Variants in DSCAM observed in about 807,000 individuals in gnomAD.
DSCAM encodes cell adhesion molecule DSCAM.
In DSCAM, 47 loss-of-function variants were observed where a neutral mutation model predicts 217.7. That is an observed-to-expected ratio of 0.22 (90% CI 0.17 to 0.28). The LOEUF is 0.28. Ranked by LOEUF, DSCAM falls within the 10% of genes least tolerant of loss-of-function variation. The pLI is 1.00. For synonymous variants in DSCAM, 1,056 were observed against 1,015.3 expected, an observed-to-expected ratio of 1.04 and a Z score of -0.76; for missense variants, 2,080 against 2,618.3, an observed-to-expected ratio of 0.79 and a Z score of 4.49.
At chr21:40,744,972 T>C (rs971095292) in intron 1 of DSCAM, among the ~76,000 whole-genome samples, 2 of 152,078 alleles carry the variant, frequency 1.3e-5, no homozygotes, top group Non-Finnish European at 2.9e-5. Flanking sequence ...TTTTTAAAAA[T>C]CCAAATAGAA....
At chr21:40,496,681 A>C (rs1215308523) in intron 3 of DSCAM, among the ~76,000 whole-genome samples, 2 of 152,204 alleles carry the variant, frequency 1.3e-5, no homozygotes, top group Admixed American at 1.3e-4. Flanking sequence ...TCTGCACAGC[A>C]ATGAAGACAA....
chr21:40,489,774 CAA>C (rs35247505), intron 3 of DSCAM, among the ~76,000 whole-genome samples: 3 of 47,188 alleles, frequency 6.4e-5, no homozygotes, highest in Admixed American at 4.3e-4. Context: ...GACTCCGTCT[CAA>C]AAAAAAAAAA....
At chr21:40,297,338 G>A (rs1241592681) in intron 9 of DSCAM, among the ~76,000 whole-genome samples, 10 of 152,162 alleles carry the variant, frequency 6.6e-5, no homozygotes, top group Non-Finnish European at 1.0e-4. Flanking sequence ...GCATCTGAAA[G>A]TATTCTAATC....
intron 3 of DSCAM, among the ~76,000 whole-genome samples, chr21:40,566,575 T>C (rs539478108): frequency 6.6e-6 from 1 of 152,328 alleles, no homozygotes. Context: ...TTAGCAAACT[T>C]ATCTTTAACT....
At chr21:40,027,348 A>G (rs1433455352) in intron 32 of DSCAM, among the ~76,000 whole-genome samples, 1 of 152,206 alleles carries the variant, frequency 6.6e-6, no homozygotes, top group African/African-American at 2.4e-5. Context: ...TCTGACAATT[A>G]TGTGTCTTGG....
intron 8 of DSCAM, among the ~76,000 whole-genome samples, chr21:40,323,600 G>T (rs1467868062): frequency 2.6e-5 from 4 of 152,164 alleles, no homozygotes; most frequent in African/African-American, 9.6e-5. Context: ...AAAATGCTGT[G>T]TTTGTTTTGT....
At chr21:40,261,826 A>G (rs1292955816) in intron 11 of DSCAM, among the ~76,000 whole-genome samples, 3 of 152,130 alleles carry the variant, frequency 2.0e-5, no homozygotes, top group African/African-American at 7.2e-5. Flanking sequence ...AATGTTATGG[A>G]TTTAATGGTA....
intron 3 of DSCAM, among the ~76,000 whole-genome samples, chr21:40,652,344 CAACAAAAA>C (rs754991532): frequency 1.1e-4 from 4 of 35,924 alleles, no homozygotes; most frequent in African/African-American, 2.7e-4. Flanking sequence ...ACAACAACAA[CAACAAAAA>C]AAAAAAAAAA....
intron 1 of DSCAM, among the ~76,000 whole-genome samples, chr21:40,754,299 G>T (rs1407538050): frequency 6.6e-6 from 1 of 152,102 alleles, no homozygotes; most frequent in Non-Finnish European, 1.5e-5. Flanking sequence ...CACACAACAG[G>T]TGCAATACTT....
At chr21:40,284,253 G>A (rs1410723959) in intron 10 of DSCAM, among the ~76,000 whole-genome samples, 2 of 152,212 alleles carry the variant, frequency 1.3e-5, no homozygotes, top group Non-Finnish European at 2.9e-5. Flanking sequence ...GAAGAATCCC[G>A]AAGTGGACAG....
chr21:40,201,273 A>T (rs2091066754), intron 11 of DSCAM, among the ~76,000 whole-genome samples: 1 of 152,202 alleles, frequency 6.6e-6, no homozygotes, highest in Non-Finnish European at 1.5e-5. Flanking sequence ...ACATTATTGG[A>T]AGAAAGTTGA....
At chr21:40,316,166 GAA>G (rs1013155511) in intron 8 of DSCAM, among the ~76,000 whole-genome samples, 1 of 152,022 alleles carries the variant, frequency 6.6e-6, no homozygotes, top group Non-Finnish European at 1.5e-5. Flanking sequence ...AAATATTAAA[GAA>G]AAGTTTAGTC....
rs73361106 is a variant in DSCAM at position 40,453,131 on chromosome 21, A to G, written c.509-83886T>C. On this transcript the variant is annotated intron_variant, in intron 3 of 32. Transcript: ENST00000400454. ...TATCTACACATACATGCAAACACAC[A>G]TAAGTAATATCACACACTTATGTGA... Among the ~76,000 whole-genome samples the G allele has an allele frequency of 6.7e-3, 1,011 of 151,894 alleles. 8 individuals carry two copies. The highest frequency in any genetic ancestry group is 0.023 in the African/African-American group (960 of 41,342).
chr21:40,126,535 A>G (rs2090095912), intron 19 of DSCAM, among the ~76,000 whole-genome samples: 1 of 152,194 alleles, frequency 6.6e-6, no homozygotes, highest in African/African-American at 2.4e-5. Context: ...TCATGGAGTA[A>G]AAGATGGCAC....
intron 3 of DSCAM, among the ~76,000 whole-genome samples, chr21:40,611,057 A>ATTTTTTT (rs527262141): frequency 0.022 from 2,814 of 129,294 alleles, 15 homozygotes; most frequent in Non-Finnish European, 0.03. Context: ...TTAGTTTTCA[A>ATTTTTTT]TTTTTTTTTT....
At chr21:40,621,558 C>A (rs1345005236) in intron 3 of DSCAM, among the ~76,000 whole-genome samples, 1 of 151,842 alleles carries the variant, frequency 6.6e-6, no homozygotes, top group Non-Finnish European at 1.5e-5. Flanking sequence ...CTGCTAAGCA[C>A]CCTCTGACTT....
chr21:40,014,068 C>A (rs183021940), intron 32 of DSCAM, among the ~76,000 whole-genome samples: 1 of 152,230 alleles, frequency 6.6e-6, no homozygotes, highest in Non-Finnish European at 1.5e-5. Context: ...TGTGGTGCCA[C>A]GCAAACATAA....
chr21:40,254,754 T>G (rs904577223), intron 11 of DSCAM, among the ~76,000 whole-genome samples: 3 of 152,114 alleles, frequency 2.0e-5, no homozygotes, highest in African/African-American at 7.2e-5. Context: ...CCTATGGCGT[T>G]GATCCCAAGC....
chr21:40,260,130 G>A (rs2073430458), intron 11 of DSCAM, among the ~76,000 whole-genome samples: 1 of 152,128 alleles, frequency 6.6e-6, no homozygotes, highest in South Asian at 2.1e-4. Flanking sequence ...TTCAGAATGA[G>A]CTGAAAATCA....
Sources: allele counts gnomAD v4.1 joint callset (sites outside exome capture counted in the v4.1 genomes callset), GRCh38; gene constraint gnomAD v4.1.1; transcripts MANE v1.5; gene names NCBI Gene and HGNC (gene_info 2026-07-23, HGNC 2026-07-21).